The following SH3D19 variants were observed in gnomAD, a reference collection of about 807,000 sequenced individuals.
SH3D19 encodes SH3 domain-containing protein 19.
SH3D19 carries 58 observed loss-of-function variants against 112.1 expected under a neutral mutation model. That is an observed-to-expected ratio of 0.52 (90% CI 0.42 to 0.64). The LOEUF (loss-of-function observed/expected upper bound fraction) is 0.64. Among genes scored for constraint, SH3D19 ranks in the 30% least tolerant of loss-of-function variants. The pLI, the probability that SH3D19 is intolerant of heterozygous loss-of-function variation, is 0.00. For synonymous variants in SH3D19, 391 were observed against 448.5 expected (o/e 0.87, Z 1.62); for missense variants, 1,090 against 1,263.4 (o/e 0.86, Z 2.08).
At chr4:151,149,373 T>G (rs1000083652) in intron 10 of SH3D19, 127 bp downstream of exon 10, 1 of 690,332 alleles carries the variant, frequency 1.4e-6, no homozygotes, top group South Asian at 2.0e-5. Flanking sequence ...GGGGCCTGCG[T>G]GAAATCGGTG....
chr4:151,146,097 A>C (rs1753866626), intron 11 of SH3D19, among the ~76,000 whole-genome samples: 1 of 152,198 alleles, frequency 6.6e-6, no homozygotes, highest in South Asian at 2.1e-4. Flanking sequence ...ATATGAATAT[A>C]CTGCCTCCTT....
chr4:151,124,507 T>G (rs1429880232), intron 19 of SH3D19, among the ~76,000 whole-genome samples: 1 of 151,906 alleles, frequency 6.6e-6, no homozygotes, highest in Non-Finnish European at 1.5e-5. Flanking sequence ...TTTTCTGAGC[T>G]CAGGAGTTCA....
Position 151,325,419 on chromosome 4 carries a change from G to T in SH3D19, c.-67C>A. 1.2e-6 allele frequency: 1 copy of T among 824,018 alleles called. No individual in the cohort carries two copies. The highest frequency in any genetic ancestry group is 1.6e-6 in the Non-Finnish European group (1 of 630,070). The allele number at this position is 824,018 out of a possible 1,614,324, so 51.0% of individuals were successfully genotyped here. On this transcript the variant is annotated 5_prime_UTR_variant, in exon 1 of 20. Transcript: ENST00000604030. The stretch of plus-strand genomic sequence containing the variant: ...GCGGCCCCGGCGCCCCAGAACGCCT[G>T]CACCCGGCGCCCCACGCCACCGCCC...
chr4:151,220,210 TG>T (rs1767808900), intron 2 of SH3D19, among the ~76,000 whole-genome samples: 1 of 152,234 alleles, frequency 6.6e-6, no homozygotes, highest in African/African-American at 2.4e-5. Flanking sequence ...AAAGTTGCCT[TG>T]GTTAGTCTTG....
At chr4:151,283,966 A>ATG (rs1315381615) in intron 1 of SH3D19, among the ~76,000 whole-genome samples, 1 of 152,120 alleles carries the variant, frequency 6.6e-6, no homozygotes, top group Non-Finnish European at 1.5e-5. Flanking sequence ...ATGGAGTGTA[A>ATG]TGTGTTGTTT....
intron 9 of SH3D19, among the ~76,000 whole-genome samples, chr4:151,152,394 T>G (rs1325064897): frequency 5.3e-5 from 8 of 152,214 alleles, no homozygotes; most frequent in Non-Finnish European, 7.3e-5. Flanking sequence ...CATTTTAGTT[T>G]CTGGTGAAGT....
intron 2 of SH3D19, among the ~76,000 whole-genome samples, chr4:151,208,835 G>A (rs2149901318): frequency 6.6e-6 from 1 of 151,792 alleles, no homozygotes; most frequent in South Asian, 2.1e-4. Context: ...CCACCACCAC[G>A]CCCGGGTAAT....
At chr4:151,249,103 G>T (rs961953294) in intron 1 of SH3D19, among the ~76,000 whole-genome samples, 1 of 152,092 alleles carries the variant, frequency 6.6e-6, no homozygotes, top group Non-Finnish European at 1.5e-5. Flanking sequence ...AAACACTCAA[G>T]GGTATGTAAT....
rs374882479 is a variant in SH3D19, at chr4:151,234,766, T to TTTTG, written c.113-8681_113-8680insCAAA. On this transcript the variant is annotated intron_variant, in intron 1 of 19. Transcript: ENST00000604030. The stretch of plus-strand genomic sequence containing the variant: ...TTTTTTTTTTTTTTTTTTTTTTTTT[T>TTTTG]AGACAGGGGCTCACTCCGTCACTCA... Among the ~76,000 whole-genome samples, 17 of 87,154 alleles carry TTTTG rather than the reference T, an allele frequency of 2.0e-4. 1 individual carries two copies. The highest frequency in any genetic ancestry group is 6.7e-4 in the African/African-American group (13 of 19,514). The allele number at this position is 87,154 out of a possible 152,430, so 57.2% of individuals were successfully genotyped here.
chr4:151,317,220 A>T (rs1338278220), intron 1 of SH3D19, among the ~76,000 whole-genome samples: 1 of 152,224 alleles, frequency 6.6e-6, no homozygotes, highest in Non-Finnish European at 1.5e-5. Context: ...CCAAGATCTA[A>T]CTTAGTACAT....
intron 1 of SH3D19, among the ~76,000 whole-genome samples, chr4:151,279,472 A>G (rs1057142176): frequency 6.6e-6 from 1 of 152,252 alleles, no homozygotes; most frequent in East Asian, 1.9e-4. Context: ...CTTTAACACC[A>G]ATCTGGAAAA....
Position 151,166,462 on chromosome 4 carries a change from G to A in SH3D19, c.1535-766C>T, listed in dbSNP as rs1487952956. ...TACTGAAACAGTTTTTAATATAAGT[G>A]TCCTTTTTAGTGGTTTGGAAAAATG... is the stretch of plus-strand genomic sequence containing the variant. On this transcript the variant is annotated intron_variant, in intron 7 of 19. Transcript: ENST00000604030. The A allele has an allele frequency of 7.4e-5, 11 of 149,580 alleles. 1 individual carries two copies. The highest frequency in any genetic ancestry group is 7.3e-4 in the Admixed American group (11 of 14,998). 9.3% of individuals were successfully genotyped at this position (149,580 alleles called of 1,614,324 possible).
Position 151,175,448 on chromosome 4 carries a change from G to C in SH3D19, c.756C>G (p.Ser252Arg), listed in dbSNP as rs1759796090. ...HIKEQSQQKI[S>R]PAAVGEESSP... ...ATGACTCCTCTCCTACGGCTGCTGG[G>C]CTGATTTTCTGTTGACTTTGCTCTT... Residue 252 changes from serine (S) to arginine (R), a missense_variant, in exon 7 of 20, where the codon AGC (serine) becomes AGG (arginine). Transcript: ENST00000604030. 1 of 1,512,366 alleles carries C rather than the reference G, an allele frequency of 6.6e-7. No homozygotes were observed. The highest frequency in any genetic ancestry group is 1.4e-5 in the African/African-American group (1 of 71,562). 93.7% of individuals were successfully genotyped at this position (1,512,366 alleles called of 1,614,324 possible). A position where few individuals can be genotyped will look rare whatever the true frequency, so the allele number is the denominator to read the frequency against.
At chr4:151,183,440 A>T (rs1195693354) in intron 3 of SH3D19, among the ~76,000 whole-genome samples, 1 of 152,188 alleles carries the variant, frequency 6.6e-6, no homozygotes, top group Admixed American at 6.5e-5. Context: ...ACCCTCAGCG[A>T]TCGTCCTACT....
chr4:151,122,242 T>G, intron 19 of SH3D19, 35 bp from the exon 20 acceptor site: 1 of 1,192,030 alleles, frequency 8.4e-7, no homozygotes, highest in Non-Finnish European at 1.2e-6. Context: ...TACTGGTTTC[T>G]GTTGAGAATA....
chr4:151,146,879 T>G (rs1754013013), intron 11 of SH3D19, among the ~76,000 whole-genome samples: 1 of 152,210 alleles, frequency 6.6e-6, no homozygotes, highest in Admixed American at 6.5e-5. Flanking sequence ...TTAGGTCATT[T>G]GATGAGAAAA....
At position 151,161,460 on chromosome 4, in the gene SH3D19, T is replaced by A. The variant is rs1757130540; in HGVS notation, c.1643-2108A>T. ...AATAGAAATAACTCTCTAGAAATCA[T>A]TCTGTCATTTCAGTTCTCCTACATT... On this transcript the variant is annotated intron_variant, in intron 8 of 19. Coordinates refer to ENST00000604030, the MANE Select transcript of SH3D19 (RefSeq NM_001378122.1). Among the ~76,000 whole-genome samples, 6 of 152,042 alleles carry A rather than the reference T, an allele frequency of 3.9e-5. No individual in the cohort carries two copies. The South Asian group carries it at 1.2e-3, about 31-fold the overall frequency.
At chr4:151,251,895 CA>C (rs1210686611) in intron 1 of SH3D19, among the ~76,000 whole-genome samples, 2 of 152,184 alleles carry the variant, frequency 1.3e-5, no homozygotes, top group African/African-American at 2.4e-5. Flanking sequence ...CACACTTCTC[CA>C]TAAGTCCTCA....
chr4:151,239,171 T>A (rs186327856), intron 1 of SH3D19, among the ~76,000 whole-genome samples: 65 of 152,352 alleles, frequency 4.3e-4, no homozygotes, highest in Non-Finnish European at 7.1e-4. Context: ...TATTCAGTGC[T>A]TAGCACCTAT....
Sources: allele counts gnomAD v4.1 joint callset (sites outside exome capture counted in the v4.1 genomes callset), GRCh38; gene constraint gnomAD v4.1.1; transcripts MANE v1.5; gene names NCBI Gene and HGNC (gene_info 2026-07-23, HGNC 2026-07-21).